CSMD1: variants seen among roughly 807,000 people sequenced by gnomAD.
CSMD1 encodes CUB and sushi domain-containing protein 1.
In CSMD1, 213 loss-of-function variants were observed where a neutral mutation model predicts 417.5. The ratio of observed to expected loss-of-function variants is 0.51; its 90% CI spans 0.46 to 0.57. CSMD1 has a LOEUF of 0.57. Among genes scored for constraint, CSMD1 ranks in the 20% least tolerant of loss-of-function variants. CSMD1 has a pLI of 0.00. For missense variants in CSMD1, 6,923 were observed against 4,529.7 expected (o/e 1.53, Z -15.17); for synonymous variants, 2,862 against 1,736.8 (o/e 1.65, Z -16.11).
intron 5 of CSMD1, among the ~76,000 whole-genome samples, chr8:3,874,282 G>A (rs569855324): frequency 2.9e-4 from 44 of 152,276 alleles, no homozygotes; most frequent in African/African-American, 1.1e-3. Context: ...AGGTCCCTGT[G>A]TCCCTGGACC....
chr8:4,073,539 G>C lies in CSMD1; in HGVS notation c.416-41440C>G, dbSNP rs185438070. ...CTGGGATGTGTCTTAGTGCCAGATG[G>C]CATAAAAATAACCATGCTATTAATC... On this transcript the variant is annotated intron_variant, in intron 3 of 69. Transcript: ENST00000635120. Among the ~76,000 whole-genome samples the C allele has an allele frequency of 6.6e-5, 10 of 152,184 alleles. No individual in the cohort carries two copies. In the East Asian group the frequency reaches 7.7e-4, roughly 12 times the overall value.
At chr8:4,110,102 A>C (rs2130907493) in intron 3 of CSMD1, among the ~76,000 whole-genome samples, 1 of 152,272 alleles carries the variant, frequency 6.6e-6, no homozygotes, top group African/African-American at 2.4e-5. Flanking sequence ...TCCAGCATGG[A>C]AATAACGGTG....
At chr8:4,518,853 C>G (rs976963571) in intron 2 of CSMD1, among the ~76,000 whole-genome samples, 3 of 152,018 alleles carry the variant, frequency 2.0e-5, no homozygotes, top group African/African-American at 7.2e-5. Flanking sequence ...TCGGCATGGT[C>G]TAAATACAGA....
At chr8:3,253,889 T>C (rs553474156) in intron 26 of CSMD1, among the ~76,000 whole-genome samples, 2 of 152,322 alleles carry the variant, frequency 1.3e-5, no homozygotes, top group South Asian at 4.1e-4. Flanking sequence ...AGGTTTATAT[T>C]GTTATGTGTG....
chr8:4,935,029 A>G (rs1807514251), intron 1 of CSMD1, among the ~76,000 whole-genome samples: 1 of 152,204 alleles, frequency 6.6e-6, no homozygotes, highest in African/African-American at 2.4e-5. Flanking sequence ...CTAGAACTTA[A>G]GGATTTCTAT....
At chr8:4,805,576 G>C (rs1477555391) in intron 1 of CSMD1, among the ~76,000 whole-genome samples, 2 of 152,174 alleles carry the variant, frequency 1.3e-5, no homozygotes, top group Non-Finnish European at 2.9e-5. Context: ...ATGTGAAATG[G>C]AGAGGAAGAC....
intron 1 of CSMD1, among the ~76,000 whole-genome samples, chr8:4,968,951 C>G (rs1810062200): frequency 6.6e-6 from 1 of 152,106 alleles, no homozygotes; most frequent in Non-Finnish European, 1.5e-5. Flanking sequence ...CTCCATCACT[C>G]CATGAATGTT....
At chr8:4,752,951 G>A (rs995016486) in intron 1 of CSMD1, among the ~76,000 whole-genome samples, 2 of 152,162 alleles carry the variant, frequency 1.3e-5, no homozygotes, top group African/African-American at 4.8e-5. Flanking sequence ...GCTCACAGCA[G>A]AGCCAAAGAA....
At chr8:3,169,294 T>G (rs1031538495) in intron 37 of CSMD1, among the ~76,000 whole-genome samples, 11 of 152,096 alleles carry the variant, frequency 7.2e-5, no homozygotes, top group Non-Finnish European at 8.8e-5. Flanking sequence ...GATTTTTTGA[T>G]AGGAGACCAC....
chr8:3,826,705 C>A (rs1225354879), intron 5 of CSMD1, among the ~76,000 whole-genome samples: 1 of 152,170 alleles, frequency 6.6e-6, no homozygotes, highest in Admixed American at 6.5e-5. Flanking sequence ...TTGATAATTT[C>A]TTTATTTTCA....
intron 49 of CSMD1, among the ~76,000 whole-genome samples, chr8:3,082,427 C>T (rs908510673): frequency 6.6e-6 from 1 of 152,224 alleles, no homozygotes; most frequent in African/African-American, 2.4e-5. Flanking sequence ...CCAGCTCAGA[C>T]ATCCCAATAT....
chr8:4,218,973 A>C (rs537837469), intron 3 of CSMD1, among the ~76,000 whole-genome samples: 2 of 152,280 alleles, frequency 1.3e-5, no homozygotes, highest in South Asian at 4.1e-4. Context: ...TGTCTAATCA[A>C]ATACTCCCGG....
At chr8:4,701,284 G>A (rs1439805873) in intron 1 of CSMD1, among the ~76,000 whole-genome samples, 3 of 150,180 alleles carry the variant, frequency 2.0e-5, no homozygotes, top group African/African-American at 7.4e-5. Context: ...AGTCAACTTC[G>A]AAGGCTGCTT....
intron 52 of CSMD1, among the ~76,000 whole-genome samples, chr8:3,013,889 C>T (rs903409517): frequency 5.9e-5 from 9 of 152,140 alleles, no homozygotes; most frequent in South Asian, 4.1e-4. Context: ...GATTCCTGGG[C>T]GAACAGAGGA....
intron 2 of CSMD1, among the ~76,000 whole-genome samples, chr8:4,451,032 T>A (rs1244893149): frequency 6.7e-6 from 1 of 150,334 alleles, no homozygotes; most frequent in Non-Finnish European, 1.5e-5. Flanking sequence ...AAAAAAAAAA[T>A]GGAATTTAGT....
At chr8:3,776,716 T>A (rs903839231) in intron 5 of CSMD1, among the ~76,000 whole-genome samples, 1 of 151,390 alleles carries the variant, frequency 6.6e-6, no homozygotes, top group Admixed American at 6.6e-5. Context: ...GGAGAGATGA[T>A]AGATACATTA....
intron 5 of CSMD1, among the ~76,000 whole-genome samples, chr8:3,797,275 G>C (rs1019171140): frequency 2.6e-5 from 4 of 151,762 alleles, no homozygotes; most frequent in Admixed American, 6.6e-5. Context: ...TTAAAATTGA[G>C]GTAAAATATA....
chr8:4,735,114 G>A (rs1305766905), intron 1 of CSMD1, among the ~76,000 whole-genome samples: 1 of 152,188 alleles, frequency 6.6e-6, no homozygotes, highest in Non-Finnish European at 1.5e-5. Flanking sequence ...AGAGCAAAAG[G>A]TATTTTGGAG....
At chr8:3,294,787 C>T (rs1025322417) in intron 25 of CSMD1, among the ~76,000 whole-genome samples, 1 of 152,100 alleles carries the variant, frequency 6.6e-6, no homozygotes, top group Non-Finnish European at 1.5e-5. Flanking sequence ...GAGTTGATGC[C>T]TCCCCCTGCT....
Sources: allele counts gnomAD v4.1 joint callset (sites outside exome capture counted in the v4.1 genomes callset), GRCh38; gene constraint gnomAD v4.1.1; transcripts MANE v1.5; gene names NCBI Gene and HGNC (gene_info 2026-07-23, HGNC 2026-07-21).